The following TTBK2 variants were observed in gnomAD, a reference collection of about 807,000 sequenced individuals.
TTBK2 encodes the protein tau tubulin kinase 2.
A neutral mutation model predicts 110.8 loss-of-function variants in TTBK2; 28 were observed. The ratio of observed to expected loss-of-function variants is 0.25; its 90% confidence interval spans 0.19 to 0.35. The LOEUF is 0.35. Among genes scored for constraint, TTBK2 ranks in the 10% least tolerant of loss-of-function variants. The pLI is 1.00. For synonymous variants in TTBK2, 532 were observed against 527.3 expected (o/e 1.01, Z -0.12); for missense variants, 1,369 against 1,500.3 (o/e 0.91, Z 1.45).
Position 42,741,794 on chromosome 15 carries a change from C to T in TTBK2, c.*4001G>A, listed in dbSNP as rs966774158. 2.0e-5 allele frequency: 3 copies of T among 151,928 alleles called. No individual in the cohort carries two copies. The highest frequency in any genetic ancestry group is 1.9e-4 in the East Asian group (1 of 5,174). 9.4% of individuals were successfully genotyped at this position (151,928 alleles called of 1,614,324 possible). ...CCAGGGGAAAATGCATTTTTTTCACCGAGTCTCACTAAATCATTCTGAATT... is the reference window on the plus strand; with the variant it reads ...CCAGGGGAAAATGCATTTTTTTCACTGAGTCTCACTAAATCATTCTGAATT... On this transcript the variant is annotated 3_prime_UTR_variant, in exon 15 of 15. Coordinates refer to ENST00000267890, the MANE Select transcript of TTBK2 (RefSeq NM_173500.4).
rs960639847 is a variant in TTBK2 at position 42,739,863 on chromosome 15, C to T, written c.*5932G>A. ...CACAGAGTTCAGATGTGGTGAAATGCTGGGCATTGATTCCTCAGGATTTAA... is the reference window on the plus strand; with the variant it reads ...CACAGAGTTCAGATGTGGTGAAATGTTGGGCATTGATTCCTCAGGATTTAA... On this transcript the variant is annotated 3_prime_UTR_variant, in exon 15 of 15. Coordinates refer to ENST00000267890, the MANE Select transcript of TTBK2 (RefSeq NM_173500.4). 1 of 152,126 alleles carries T rather than the reference C, an allele frequency of 6.6e-6. No individual in the cohort carries two copies. Among genetic ancestry groups the T allele is most frequent in the Non-Finnish European group, 1.5e-5 (1 of 68,026 alleles). 9.4% of individuals were successfully genotyped at this position (152,126 alleles called of 1,614,324 possible).
At chr15:42,886,330 C>T (rs1294254594) in intron 1 of TTBK2, among the ~76,000 whole-genome samples, 1 of 152,186 alleles carries the variant, frequency 6.6e-6, no homozygotes, top group Non-Finnish European at 1.5e-5. Flanking sequence ...CCTCTCCCAC[C>T]TGCCCAACAA....
At chr15:42,756,277 C>CA (rs1248003830) in intron 13 of TTBK2, among the ~76,000 whole-genome samples, 1 of 152,062 alleles carries the variant, frequency 6.6e-6, no homozygotes. Context: ...AAAATGAACA[C>CA]AGCAGTGCTA....
chr15:42,845,431 C>T (rs949241414), intron 3 of TTBK2, among the ~76,000 whole-genome samples: 4 of 151,702 alleles, frequency 2.6e-5, no homozygotes, highest in Non-Finnish European at 2.9e-5. Flanking sequence ...TTTGGGAGGC[C>T]GAGGTGGGTG....
At chr15:42,845,846 TAC>T (rs1184885063) in intron 3 of TTBK2, among the ~76,000 whole-genome samples, 2 of 152,106 alleles carry the variant, frequency 1.3e-5, no homozygotes, top group African/African-American at 4.8e-5. Flanking sequence ...GCCTATATGG[TAC>T]AGCCTATTGC....
intron 6 of TTBK2, among the ~76,000 whole-genome samples, chr15:42,821,745 G>A (rs140411732): frequency 0.012 from 1,712 of 148,430 alleles, 30 homozygotes; most frequent in African/African-American, 0.039. Context: ...GCTGGAGTGC[G>A]GTGGCGTGAT....
At chr15:42,878,763 G>A in intron 1 of TTBK2, 79 bp from the exon 2 acceptor site, 2 of 1,515,604 alleles carry the variant, frequency 1.3e-6, no homozygotes, top group African/African-American at 1.4e-5. Flanking sequence ...GCATCAGGAA[G>A]CACTACTAAT....
At chr15:42,808,035 G>C (rs1891548668) in intron 9 of TTBK2, among the ~76,000 whole-genome samples, 1 of 152,254 alleles carries the variant, frequency 6.6e-6, no homozygotes, top group East Asian at 1.9e-4. Context: ...TTAAAAGCTA[G>C]TTAGGAAAAC....
intron 3 of TTBK2, 117 bp downstream of exon 3, chr15:42,872,494 G>A (rs551717988): frequency 2.4e-5 from 29 of 1,215,448 alleles, no homozygotes; most frequent in African/African-American, 1.2e-4. Context: ...ATTTATACCC[G>A]GCTGACACCA....
At chr15:42,770,073 T>C (rs532871326) in intron 13 of TTBK2, among the ~76,000 whole-genome samples, 13 of 123,076 alleles carry the variant, frequency 1.1e-4, no homozygotes, top group South Asian at 2.8e-4. Flanking sequence ...GGACACAGGG[T>C]GGGGAACATC....
intron 13 of TTBK2, among the ~76,000 whole-genome samples, chr15:42,763,200 T>A (rs1282224661): frequency 4.9e-3 from 95 of 19,208 alleles, no homozygotes; most frequent in East Asian, 9.5e-3. Context: ...ATATTTTTTT[T>A]TTTTTTTTTT....
chr15:42,898,991 AT>A (rs1006594444), intron 1 of TTBK2, among the ~76,000 whole-genome samples: 1 of 151,818 alleles, frequency 6.6e-6, no homozygotes, highest in African/African-American at 2.4e-5. Flanking sequence ...AATTTGTAGA[AT>A]TTTTTTTGGC....
rs1460116154 is a variant in TTBK2 at position 42,783,457 on chromosome 15, C to T, written c.1159G>A (p.Asp387Asn). ...AGCTTTATCTTGTTTTTGTTGGCAT[C>T]CATCTCTTCCCAAACATCCTTCTCC... Reference protein sequence around the residue: ...PQEKDVWEEMDANKNKIKLGI... With the variant: ...PQEKDVWEEMNANKNKIKLGI... Residue 387 changes from aspartate (D) to asparagine (N), a missense_variant, in exon 11 of 15, where the codon GAT (aspartate) becomes AAT (asparagine). Physicochemically the swap from Asp to Asn is conservative, Grantham distance 23. Around this residue, in one of 4 missense-constraint regions of TTBK2, gnomAD observed 1,097 missense variants for 1,114.7 expected, o/e 0.98. Transcript: ENST00000267890. 3.1e-6 allele frequency: 5 copies of T among 1,613,986 alleles called. No individual in the cohort carries two copies. Among genetic ancestry groups the T allele is most frequent in the Admixed American group, 1.7e-5 (1 of 59,998 alleles).
intron 13 of TTBK2, among the ~76,000 whole-genome samples, chr15:42,755,465 G>C (rs1410080320): frequency 2.6e-5 from 4 of 152,084 alleles, no homozygotes; most frequent in Non-Finnish European, 5.9e-5. Context: ...GATCTGTAAA[G>C]CTCATTGACA....
chr15:42,777,242 C>T lies in TTBK2; in HGVS notation c.1198G>A (p.Ala400Thr). The change falls in exon 12 of 15, where the codon GCT becomes ACT. Residue 400 changes from alanine to threonine, a missense_variant and splice_region_variant. Ala to Thr is a moderately conservative substitution (Grantham distance 58, BLOSUM62 0). This residue lies in a region of TTBK2 where 1,097 missense variants were observed against 1,114.7 expected (regional missense o/e 0.98). Transcript: ENST00000267890. ...TGGCTGTTCTCCTCTTCAGTAGCAG[C>T]CTATCCAAAATATAAAATAAAATCA... ...KNKIKLGICKAATEEENSHGQ... is the reference protein window; with the variant it reads ...KNKIKLGICKTATEEENSHGQ... 6.2e-7 allele frequency: 1 copy of T among 1,613,958 alleles called. No individual in the cohort carries two copies. Among genetic ancestry groups the T allele is most frequent in the Non-Finnish European group, 8.5e-7 (1 of 1,179,972 alleles).
At chr15:42,779,519 A>G (rs1302148741) in intron 11 of TTBK2, among the ~76,000 whole-genome samples, 2 of 152,176 alleles carry the variant, frequency 1.3e-5, no homozygotes, top group African/African-American at 2.4e-5. Flanking sequence ...AGATAAGAAA[A>G]TACATTTATA....
intron 10 of TTBK2, among the ~76,000 whole-genome samples, chr15:42,791,837 T>C (rs1447154392): frequency 6.6e-6 from 1 of 152,204 alleles, no homozygotes; most frequent in Non-Finnish European, 1.5e-5. Context: ...TATTACTGAC[T>C]ATAGTTAACA....
rs148848820 is a variant in TTBK2, at chr15:42,895,452, T to C, written c.-67-16768A>G. Among the ~76,000 whole-genome samples the C allele has an allele frequency of 1.0e-2, 1,507 of 151,354 alleles. 8 individuals carry two copies. The highest frequency in any genetic ancestry group is 0.015 in the Non-Finnish European group (1,004 of 67,702). ...TACACCAAACCACTAAGACACATAT[T>C]TACCCATGGAACAAATCTACACATG... On this transcript the variant is annotated intron_variant, in intron 1 of 14. Coordinates refer to ENST00000267890, the MANE Select transcript of TTBK2 (RefSeq NM_173500.4).
chr15:42,760,890 A>G (rs2062016344), intron 13 of TTBK2, among the ~76,000 whole-genome samples: 1 of 152,340 alleles, frequency 6.6e-6, no homozygotes, highest in South Asian at 2.1e-4. Flanking sequence ...ACAAAAGAAA[A>G]CAAAACAAAA....
Sources: gnomAD v4.1 joint callset for allele counts (sites outside exome capture counted in the v4.1 genomes callset) on GRCh38, gnomAD v4.1.1 for gene constraint, gnomAD v4.1.1 regional missense constraint, MANE v1.5 for transcripts, NCBI Gene and HGNC (gene_info 2026-07-23, HGNC 2026-07-21) for gene names.